IL2RB: variants seen among roughly 807,000 people sequenced by gnomAD.
IL2RB encodes interleukin 2 receptor subunit beta, also known as interleukin-2 receptor subunit beta.
Under a neutral mutation model 44.2 loss-of-function variants are expected in IL2RB, and 17 were observed. The ratio of observed to expected loss-of-function variants is 0.38; its 90% CI spans 0.26 to 0.58. IL2RB has a LOEUF of 0.58. IL2RB is among the 20% of genes least tolerant of loss of function. The pLI is 0.63. For synonymous variants in IL2RB, 286 were observed against 297.9 expected (o/e 0.96, Z 0.41); for missense variants, 624 against 685.5 (o/e 0.91, Z 1.00).
chr22:37,140,847 T>C lies in IL2RB; in HGVS notation c.282+1587A>G, dbSNP rs228964. 1.4e-3 allele frequency among the ~76,000 whole-genome samples: 219 copies of C among 152,250 alleles called. 2 individuals carry two copies. Among genetic ancestry groups the C allele is most frequent in the African/African-American group, 4.9e-3 (204 of 41,544 alleles). ...TGGGAGCCCGCAGGCCTGGGTTCAA[T>C]CCCAGCTGTGTACTTCCTGGCTGTG... On this transcript the variant is annotated intron_variant, in intron 4 of 9. Coordinates refer to ENST00000216223, the MANE Select transcript of IL2RB (RefSeq NM_000878.5).
chr22:37,136,200 C>T, intron 7 of IL2RB, 28 bp downstream of exon 7: 2 of 1,593,004 alleles, frequency 1.3e-6, no homozygotes, highest in Non-Finnish European at 1.7e-6. Context: ...TGCCTGAGCC[C>T]CCTCTCACCC....
chr22:37,140,729 G>A (rs1055259960), intron 4 of IL2RB, among the ~76,000 whole-genome samples: 5 of 152,130 alleles, frequency 3.3e-5, no homozygotes, highest in African/African-American at 1.2e-4. Flanking sequence ...CCGCCCAGGA[G>A]GCTTTGACAG....
At chr22:37,140,440 T>A (rs1350242444) in intron 4 of IL2RB, among the ~76,000 whole-genome samples, 1 of 152,114 alleles carries the variant, frequency 6.6e-6, no homozygotes, top group African/African-American at 2.4e-5. Flanking sequence ...TTCTCTCAAC[T>A]TGGGCACAGG....
chr22:37,159,281 AT>A (rs1302185282), intron 1 of IL2RB, among the ~76,000 whole-genome samples: 3 of 152,122 alleles, frequency 2.0e-5, no homozygotes, highest in Non-Finnish European at 2.9e-5. Flanking sequence ...AAAAATTAAA[AT>A]GTCCCTCTAA....
rs760990294 is a variant in IL2RB, at chr22:37,139,158, C to T, written c.347G>A (p.Trp116Ter). The change falls in exon 5 of 10, where the codon TGG (tryptophan) becomes TAG (stop). Residue 116 changes from tryptophan (W) to a stop codon, truncating the protein, a stop_gained. Transcript: ENST00000216223. LOFTEE classifies it high-confidence loss of function. ...LRVLCREGVR[W>*]RVMAIQDFKP... ...GAAGTCCTGGATGGCCATCACCCTCCATCGCACCCCCTCACGGCACAGCAC... is the reference window on the plus strand; with the variant it reads ...GAAGTCCTGGATGGCCATCACCCTCTATCGCACCCCCTCACGGCACAGCAC... 85 of 1,613,946 alleles carry T rather than the reference C, an allele frequency of 5.3e-5. 2 individuals are homozygous for T. The Admixed American group carries it at 1.2e-3, about 23-fold the overall frequency.
At chr22:37,153,180 C>T (rs149892985), upstream of IL2RB, among the ~76,000 whole-genome samples, 95 of 152,278 alleles carry the variant, frequency 6.2e-4, no homozygotes, top group African/African-American at 2.2e-3. Context: ...GGTGATCCAC[C>T]TCCCTCGGCC....
At position 37,143,569 on chromosome 22, in the gene IL2RB, C is replaced by T. The variant is rs764846722; in HGVS notation, c.155G>A (p.Gly52Glu). ...ANISCVWSQD[G>E]ALQDTSCQVH... ...TTGGCAGGAAGTGTCCTGCAGAGCC[C>T]CATCTTGGCTCCAGACACAGGAGAT... The change falls in exon 3 of 10, where the codon GGG becomes GAG. Residue 52 changes from glycine (G) to glutamate (E), a missense_variant. Around this residue, in one of 3 missense-constraint regions of IL2RB, gnomAD observed 78 missense variants for 70.0 expected, o/e 1.11. Coordinates refer to ENST00000216223, the MANE Select transcript of IL2RB (RefSeq NM_000878.5). 1.9e-6 allele frequency: 3 copies of T among 1,613,972 alleles called. No homozygotes were observed. Among genetic ancestry groups the T allele is most frequent in the African/African-American group, 1.3e-5 (1 of 74,894 alleles).
rs367733139 is a variant in IL2RB, at chr22:37,143,640, C to A, written c.89-5G>T. 5.6e-6 allele frequency: 9 copies of A among 1,605,666 alleles called. No homozygotes were observed. The highest frequency in any genetic ancestry group is 5.0e-5 in the Admixed American group (3 of 59,972). On this transcript the variant is annotated splice_region_variant and splice_polypyrimidine_tract_variant and intron_variant, in intron 2 of 9. Coordinates refer to ENST00000216223, the MANE Select transcript of IL2RB (RefSeq NM_000878.5). ...AGCATGTGAACTGGGAAGTGCCTGCCGGGCAAGATGAGGTGTGAGTGCTGA... is the reference window on the plus strand; with the variant it reads ...AGCATGTGAACTGGGAAGTGCCTGCAGGGCAAGATGAGGTGTGAGTGCTGA...
chr22:37,133,168 G>C (rs573278698), intron 8 of IL2RB, among the ~76,000 whole-genome samples: 1 of 152,348 alleles, frequency 6.6e-6, no homozygotes, highest in South Asian at 2.1e-4. Context: ...TGACATGGTG[G>C]AGAAAGCACT....
At chr22:37,166,784 C>T (rs1048307017) in intron 1 of IL2RB, 1 of 152,138 alleles carries the variant, frequency 6.6e-6, no homozygotes, top group African/African-American at 2.4e-5. Context: ...AGCGTGACCA[C>T]GCTGGACCGT....
intron 1 of IL2RB, among the ~76,000 whole-genome samples, chr22:37,163,442 TGGG>T (rs1056254934): frequency 6.6e-6 from 1 of 151,760 alleles, no homozygotes; most frequent in Non-Finnish European, 1.5e-5. Flanking sequence ...CAAAGAGAAA[TGGG>T]GGGGCCGCTT....
At chr22:37,140,181 C>T (rs900703892) in intron 4 of IL2RB, among the ~76,000 whole-genome samples, 2 of 152,086 alleles carry the variant, frequency 1.3e-5, no homozygotes, top group African/African-American at 4.8e-5. Context: ...TAAACCTGAT[C>T]GTTGGAATTC....
At chr22:37,174,475 C>T (rs755221325) in intron 1 of IL2RB, among the ~76,000 whole-genome samples, 6 of 152,160 alleles carry the variant, frequency 3.9e-5, no homozygotes, top group South Asian at 2.1e-4. Flanking sequence ...AAAAGCACCA[C>T]GCTCAGATCA....
At chr22:37,160,009 G>C (rs16997835) in intron 1 of IL2RB, among the ~76,000 whole-genome samples, 6,424 of 152,282 alleles carry the variant, frequency 0.042, 441 homozygotes, top group African/African-American at 0.15. Flanking sequence ...GGCACATTGC[G>C]AGGGCCACTG....
chr22:37,132,409 C>T lies in IL2RB; in HGVS notation c.878G>A (p.Ser293Asn), dbSNP rs868127851. The T allele has an allele frequency of 6.2e-7, 1 of 1,614,098 alleles. No homozygotes were observed. Among genetic ancestry groups the T allele is most frequent in the Non-Finnish European group, 8.5e-7 (1 of 1,180,008 alleles). Residue 293 changes from serine to asparagine, a missense_variant, in exon 9 of 10, where the codon AGC becomes AAC. By Grantham distance (46) the Ser-to-Asn change is conservative. Transcript: ENST00000216223. ...PDPSKFFSQL[S>N]SEHGGDVQKW... ...CTGGACGTCTCCTCCATGCTCTGAG[C>T]TCAGCTGGGAAAAGAACTTCGAGGG... is the stretch of plus-strand genomic sequence containing the variant.
chr22:37,172,853 C>A (rs1923335291), intron 1 of IL2RB, among the ~76,000 whole-genome samples: 1 of 152,168 alleles, frequency 6.6e-6, no homozygotes, highest in African/African-American at 2.4e-5. Context: ...GCTGAGGGCA[C>A]AAGCCTCCTC....
At chr22:37,150,287 T>C (rs1356464247), upstream of IL2RB, among the ~76,000 whole-genome samples, 2 of 151,974 alleles carry the variant, frequency 1.3e-5, no homozygotes, top group African/African-American at 2.4e-5. Context: ...CACTAATACG[T>C]AGGCTTCACA....
At chr22:37,139,094 C>T (rs946635405) in intron 5 of IL2RB, 23 bp downstream of exon 5, 29 of 1,508,490 alleles carry the variant, frequency 1.9e-5, no homozygotes, top group Non-Finnish European at 2.7e-5. Flanking sequence ...CTGCCCCAGC[C>T]CCACCCTGGC....
intron 4 of IL2RB, among the ~76,000 whole-genome samples, chr22:37,140,018 A>C (rs1249834712): frequency 6.6e-6 from 1 of 152,160 alleles, no homozygotes; most frequent in Non-Finnish European, 1.5e-5. Context: ...GCATCCTGCC[A>C]CTGTGCAGCT....
Sources: allele counts gnomAD v4.1 joint callset (sites outside exome capture counted in the v4.1 genomes callset), GRCh38; gene constraint gnomAD v4.1.1; regional missense constraint gnomAD v4.1.1; transcripts MANE v1.5; gene names NCBI Gene and HGNC (gene_info 2026-07-23, HGNC 2026-07-21).